The following FRMD5 variants were observed in gnomAD, a reference collection of about 807,000 sequenced individuals.
FRMD5 encodes FERM domain-containing protein 5.
Under a neutral mutation model 69.0 loss-of-function variants are expected in FRMD5, and 20 were observed. The ratio of observed to expected loss-of-function variants is 0.29; its 90% confidence interval spans 0.20 to 0.42. The LOEUF (loss-of-function observed/expected upper bound fraction) is 0.42, where lower values mean the gene tolerates loss of function less well. Ranked by LOEUF, FRMD5 falls within the 10% of genes least tolerant of loss-of-function variation. The pLI is 1.00. For synonymous variants in FRMD5, 271 were observed against 260.1 expected (o/e 1.04, Z -0.40); for missense variants, 595 against 708.6 (o/e 0.84, Z 1.82).
intron 7 of FRMD5, chr15:43,901,891 T>C: frequency 2.5e-6 from 1 of 397,056 alleles, no homozygotes; most frequent in Non-Finnish European, 4.6e-6. Flanking sequence ...TCCATATCCC[T>C]CCTCTCTTCA....
intron 1 of FRMD5, among the ~76,000 whole-genome samples, chr15:43,971,782 C>T (rs1003962991): frequency 2.0e-5 from 3 of 151,320 alleles, no homozygotes; most frequent in Non-Finnish European, 4.4e-5. Context: ...CCTCAGCTCA[C>T]TGCAACCTCC....
At position 43,871,421 on chromosome 15, in the gene FRMD5, T is replaced by C. The variant is rs968110343; in HGVS notation, c.*2464A>G. ...GGTCAGAGTTGAGGCTATCACTCAC[T>C]GCATAGAAACACCAGATTCTACAAA... is the stretch of plus-strand genomic sequence containing the variant. On this transcript the variant is annotated 3_prime_UTR_variant, in exon 14 of 14. Transcript: ENST00000417257. 2.0e-5 allele frequency: 3 copies of C among 152,252 alleles called. No individual in the cohort carries two copies. Among genetic ancestry groups the C allele is most frequent in the African/African-American group, 7.2e-5 (3 of 41,464 alleles). 9.4% of individuals were successfully genotyped at this position (152,252 alleles called of 1,614,324 possible).
intron 1 of FRMD5, among the ~76,000 whole-genome samples, chr15:44,001,611 GT>G (rs35453119): frequency 0.77 from 106,734 of 138,040 alleles, 41,852 homozygotes; most frequent in East Asian, 0.93. Flanking sequence ...CAATTTTATT[GT>G]TTTTTTTTTT....
intron 1 of FRMD5, among the ~76,000 whole-genome samples, chr15:44,094,591 A>G (rs2076524013): frequency 6.6e-6 from 1 of 152,158 alleles, no homozygotes; most frequent in Admixed American, 6.6e-5. Flanking sequence ...GAAATCTAAG[A>G]GTTTTATTTT....
At chr15:44,157,665 T>C (rs952476891) in intron 1 of FRMD5, among the ~76,000 whole-genome samples, 3 of 152,186 alleles carry the variant, frequency 2.0e-5, no homozygotes, top group East Asian at 3.8e-4. Flanking sequence ...ACTAGCTCTA[T>C]GGTATGCAAA....
intron 1 of FRMD5, among the ~76,000 whole-genome samples, chr15:44,107,173 T>C (rs538223040): frequency 6.6e-5 from 10 of 152,212 alleles, no homozygotes; most frequent in Non-Finnish European, 1.0e-4. Flanking sequence ...TTTGAGAAGG[T>C]TGATAGGCAA....
chr15:43,951,146 C>T (rs766453574), intron 1 of FRMD5, among the ~76,000 whole-genome samples: 12 of 152,148 alleles, frequency 7.9e-5, no homozygotes, highest in Middle Eastern at 3.4e-3. Context: ...TAGTGCCAGG[C>T]GTGGTGGCTC....
intron 1 of FRMD5, chr15:44,194,656 C>A (rs888854982): frequency 1.1e-5 from 5 of 449,134 alleles, no homozygotes; most frequent in Non-Finnish European, 2.0e-5. Flanking sequence ...GCACCTTACT[C>A]GGGCGGGCTC....
At chr15:44,048,084 G>T (rs928772260) in intron 1 of FRMD5, among the ~76,000 whole-genome samples, 27 of 152,140 alleles carry the variant, frequency 1.8e-4, no homozygotes, top group Middle Eastern at 3.4e-3. Context: ...GAGTGGTATT[G>T]CTGGGTCACA....
chr15:43,985,862 A>G (rs1889371517), intron 1 of FRMD5, among the ~76,000 whole-genome samples: 1 of 152,216 alleles, frequency 6.6e-6, no homozygotes, highest in Non-Finnish European at 1.5e-5. Flanking sequence ...AGAAAGAGAA[A>G]CTTCACTAAG....
chr15:44,091,300 T>C (rs1396984730), intron 1 of FRMD5, among the ~76,000 whole-genome samples: 2 of 152,188 alleles, frequency 1.3e-5, no homozygotes, highest in Non-Finnish European at 2.9e-5. Flanking sequence ...CATATGTTTA[T>C]GATATTATTT....
At chr15:44,101,358 G>A (rs1043613661) in intron 1 of FRMD5, 3 of 152,512 alleles carry the variant, frequency 2.0e-5, no homozygotes, top group African/African-American at 4.8e-5. Context: ...AAGTACAAAT[G>A]TCACAAGATA....
chr15:43,959,396 A>C (rs2090162483), intron 1 of FRMD5, among the ~76,000 whole-genome samples: 1 of 152,260 alleles, frequency 6.6e-6, no homozygotes, highest in African/African-American at 2.4e-5. Flanking sequence ...AGTTCCCAAG[A>C]AATCAAATGG....
chr15:43,899,511 T>TA (rs2088994243), intron 7 of FRMD5, among the ~76,000 whole-genome samples: 1 of 152,208 alleles, frequency 6.6e-6, no homozygotes, highest in African/African-American at 2.4e-5. Flanking sequence ...CCTCCTGGAA[T>TA]GCCAGTCTTC....
At chr15:43,971,759 T>C (rs2090383150) in intron 1 of FRMD5, among the ~76,000 whole-genome samples, 1 of 151,530 alleles carries the variant, frequency 6.6e-6, no homozygotes, top group Non-Finnish European at 1.5e-5. Context: ...CAGGCTGGAG[T>C]GCAATGGTGC....
At chr15:44,012,667 G>C (rs937539758) in intron 1 of FRMD5, among the ~76,000 whole-genome samples, 2 of 152,022 alleles carry the variant, frequency 1.3e-5, no homozygotes, top group Non-Finnish European at 2.9e-5. Flanking sequence ...TCAATTAACA[G>C]GGGGTACACT....
chr15:44,028,129 A>G (rs1163066286), intron 1 of FRMD5, among the ~76,000 whole-genome samples: 1 of 152,216 alleles, frequency 6.6e-6, no homozygotes, highest in Non-Finnish European at 1.5e-5. Context: ...AGAAAAATAT[A>G]ATCTATGACA....
chr15:43,903,383 C>G (rs549104031), intron 6 of FRMD5, among the ~76,000 whole-genome samples: 1 of 152,326 alleles, frequency 6.6e-6, no homozygotes, highest in East Asian at 1.9e-4. Flanking sequence ...TAGTGTCCCT[C>G]TGGAGAGGCA....
At chr15:44,081,290 T>A (rs1323703990) in intron 1 of FRMD5, among the ~76,000 whole-genome samples, 1 of 152,138 alleles carries the variant, frequency 6.6e-6, no homozygotes, top group Non-Finnish European at 1.5e-5. Flanking sequence ...TTGTTCTGGA[T>A]TTTCTCTCCT....
Sources: gnomAD v4.1 joint callset for allele counts (sites outside exome capture counted in the v4.1 genomes callset) on GRCh38, gnomAD v4.1.1 for gene constraint, MANE v1.5 for transcripts, NCBI Gene and HGNC (gene_info 2026-07-23, HGNC 2026-07-21) for gene names.